BAALC: variants seen among roughly 807,000 people sequenced by gnomAD.
BAALC encodes the protein brain and acute leukemia cytoplasmic protein.
In BAALC, 9 loss-of-function variants were observed where a neutral mutation model predicts 15.5. That is an observed-to-expected ratio of 0.58 (90% CI 0.35 to 1.02). BAALC has a LOEUF of 1.02. Among genes scored for constraint, BAALC ranks in the 50% least tolerant of loss-of-function variants. The pLI is 0.02. For missense variants in BAALC, 201 were observed against 192.4 expected (o/e 1.04, Z -0.27); for synonymous variants, 80 against 74.6 (o/e 1.07, Z -0.37).
intron 1 of BAALC, chr8:103,153,443 A>G (rs541142323): frequency 6.6e-6 from 1 of 152,250 alleles, no homozygotes; most frequent in Non-Finnish European, 1.5e-5. Flanking sequence ...TAAGGTGAAC[A>G]TTCTCTGGAA....
At chr8:103,190,493 T>G (rs1811941958) in intron 1 of BAALC, among the ~76,000 whole-genome samples, 1 of 152,214 alleles carries the variant, frequency 6.6e-6, no homozygotes, top group Non-Finnish European at 1.5e-5. Context: ...TTCTCTCATG[T>G]TTTCATTAAG....
intron 1 of BAALC, among the ~76,000 whole-genome samples, chr8:103,148,929 G>C (rs1810926558): frequency 6.6e-6 from 1 of 152,128 alleles, no homozygotes; most frequent in Admixed American, 6.5e-5. Context: ...TCTACTATTT[G>C]CATTTACTAT....
chr8:103,204,787 A>T (rs563186520), intron 1 of BAALC, among the ~76,000 whole-genome samples: 1 of 152,230 alleles, frequency 6.6e-6, no homozygotes, highest in African/African-American at 2.4e-5. Flanking sequence ...AAAAGGTCAC[A>T]TATTATAGTA....
intron 1 of BAALC, among the ~76,000 whole-genome samples, chr8:103,212,009 C>A (rs377136392): frequency 3.3e-5 from 5 of 152,308 alleles, no homozygotes; most frequent in African/African-American, 1.2e-4. Flanking sequence ...CAATAAGATT[C>A]TGTTCATCCT....
Position 103,213,541 on chromosome 8 carries a change from C to T in BAALC, c.327+456C>T, listed in dbSNP as rs575140803. The T allele has an allele frequency of 2.7e-3, 427 of 156,078 alleles. 1 individual carries two copies. The highest frequency in any genetic ancestry group is 4.5e-3 in the Non-Finnish European group (318 of 70,054). 9.7% of individuals were successfully genotyped at this position (156,078 alleles called of 1,614,324 possible). A position where few individuals can be genotyped will look rare whatever the true frequency, so the allele number is the denominator to read the frequency against. The stretch of plus-strand genomic sequence containing the variant: ...ACATTGGAAGGGCCCCCAAGGGTGG[C>T]TCTCATAGCAGAATGTGGTGACAGC... On this transcript the variant is annotated intron_variant, in intron 2 of 2. Coordinates refer to ENST00000309982, the MANE Select transcript of BAALC (RefSeq NM_024812.3).
At chr8:103,144,479 C>T (rs1810841095) in intron 1 of BAALC, among the ~76,000 whole-genome samples, 3 of 152,174 alleles carry the variant, frequency 2.0e-5, no homozygotes, top group African/African-American at 7.2e-5. Flanking sequence ...ATAATTTAAT[C>T]CTCATAAAAT....
At chr8:103,199,583 G>A (rs560449450) in intron 1 of BAALC, among the ~76,000 whole-genome samples, 11 of 151,544 alleles carry the variant, frequency 7.3e-5, no homozygotes, top group Admixed American at 6.6e-4. Flanking sequence ...CAATTCAGTT[G>A]ATTGAATTCA....
chr8:103,184,542 T>C (rs1388510870), intron 1 of BAALC, among the ~76,000 whole-genome samples: 1 of 152,216 alleles, frequency 6.6e-6, no homozygotes, highest in African/African-American at 2.4e-5. Context: ...AGAGGCTTAG[T>C]GACTTGCCCA....
intron 1 of BAALC, among the ~76,000 whole-genome samples, chr8:103,181,495 A>G (rs1208715701): frequency 6.6e-6 from 1 of 152,024 alleles, no homozygotes; most frequent in Non-Finnish European, 1.5e-5. Context: ...GATGGTCTCG[A>G]TCTCCTGACC....
intron 1 of BAALC, among the ~76,000 whole-genome samples, chr8:103,150,148 A>C (rs1464924968): frequency 6.6e-6 from 1 of 152,158 alleles, no homozygotes; most frequent in African/African-American, 2.4e-5. Context: ...TCCCCTTTAT[A>C]AAACCATCGG....
intron 1 of BAALC, among the ~76,000 whole-genome samples, chr8:103,145,488 C>G (rs1029562694): frequency 2.0e-5 from 3 of 152,184 alleles, no homozygotes; most frequent in African/African-American, 7.2e-5. Context: ...TACAAGGGAC[C>G]TATGGCTAAC....
chr8:103,181,847 T>C (rs113630307), intron 1 of BAALC, among the ~76,000 whole-genome samples: 3,188 of 152,336 alleles, frequency 0.021, 102 homozygotes, highest in African/African-American at 0.073. Context: ...TCTTTTAACC[T>C]GGGATTTTGC....
intron 1 of BAALC, among the ~76,000 whole-genome samples, chr8:103,142,764 A>G (rs992881596): frequency 6.6e-6 from 1 of 152,204 alleles, no homozygotes; most frequent in Non-Finnish European, 1.5e-5. Flanking sequence ...ATGTACATAC[A>G]TGTTCCTCAC....
intron 1 of BAALC, among the ~76,000 whole-genome samples, chr8:103,155,403 C>G (rs945028794): frequency 1.3e-5 from 2 of 152,176 alleles, no homozygotes; most frequent in Non-Finnish European, 2.9e-5. Flanking sequence ...AGTGGAATGG[C>G]TGTTGTAATA....
chr8:103,179,104 A>G (rs1811671580), intron 1 of BAALC, among the ~76,000 whole-genome samples: 1 of 152,224 alleles, frequency 6.6e-6, no homozygotes, highest in South Asian at 2.1e-4. Flanking sequence ...CTCATCATGC[A>G]TGATCAGTTC....
chr8:103,168,183 T>A (rs1811390918), intron 1 of BAALC, among the ~76,000 whole-genome samples: 1 of 152,214 alleles, frequency 6.6e-6, no homozygotes, highest in Non-Finnish European at 1.5e-5. Context: ...CTGTTATGCA[T>A]CCCACTTTAT....
intron 1 of BAALC, among the ~76,000 whole-genome samples, chr8:103,165,090 A>G (rs1020398913): frequency 6.6e-6 from 1 of 152,214 alleles, no homozygotes; most frequent in Non-Finnish European, 1.5e-5. Flanking sequence ...GTGTGGTTGC[A>G]TAGCTGCATA....
chr8:103,165,860 C>A (rs772168001), intron 1 of BAALC: 1 of 152,214 alleles, frequency 6.6e-6, no homozygotes, highest in East Asian at 1.9e-4. Flanking sequence ...AAAATACACC[C>A]CCAGAGTGTT....
chr8:103,198,226 T>C (rs1365105421), intron 1 of BAALC: 9 of 661,122 alleles, frequency 1.4e-5, no homozygotes, highest in Admixed American at 7.1e-5. Context: ...ATGTGGTGTT[T>C]CTGTTCTTAT....
Sources: allele counts gnomAD v4.1 joint callset (sites outside exome capture counted in the v4.1 genomes callset), GRCh38; gene constraint gnomAD v4.1.1; transcripts MANE v1.5; gene names NCBI Gene and HGNC (gene_info 2026-07-23, HGNC 2026-07-21).